ARHGAP15: variants seen among roughly 807,000 people sequenced by gnomAD.
ARHGAP15 encodes rho GTPase-activating protein 15.
Under a neutral mutation model 63.7 loss-of-function variants are expected in ARHGAP15, and 51 were observed. That is an observed-to-expected ratio of 0.80 (90% CI 0.64 to 1.01). The LOEUF (loss-of-function observed/expected upper bound fraction) is 1.01, where lower values mean the gene tolerates loss of function less well. Among genes scored for constraint, ARHGAP15 ranks in the 50% least tolerant of loss-of-function variants. The probability of loss-of-function intolerance (pLI) is 0.00; values close to 1 mark genes in which losing one functional copy is unlikely to be tolerated. For synonymous variants in ARHGAP15, 191 were observed against 193.8 expected, an observed-to-expected ratio of 0.99 and a Z score of 0.12; for missense variants, 560 against 564.6, an observed-to-expected ratio of 0.99 and a Z score of 0.08.
intron 13 of ARHGAP15, among the ~76,000 whole-genome samples, chr2:143,742,545 T>G (rs1166702694): frequency 6.6e-6 from 1 of 152,156 alleles, no homozygotes; most frequent in Non-Finnish European, 1.5e-5. Context: ...CAGAAGAAAT[T>G]TGGGCAGAAA....
rs1027869128 is a variant in ARHGAP15, at chr2:143,435,758, T to C, written c.573+59T>C. 23 of 1,514,674 alleles carry C rather than the reference T, an allele frequency of 1.5e-5. No homozygotes were observed. The African/African-American group carries it at 3.0e-4, about 20-fold the overall frequency. 93.8% of individuals were successfully genotyped at this position (1,514,674 alleles called of 1,614,324 possible). On this transcript the variant is annotated intron_variant, in intron 7 of 13. Transcript: ENST00000295095. ...TTAAAATGTAGTCATTTAAATCTTA[T>C]TGCTCAGGCATATAACACACACACT...
At chr2:143,270,756 T>C (rs1265199241) in intron 6 of ARHGAP15, among the ~76,000 whole-genome samples, 1 of 152,198 alleles carries the variant, frequency 6.6e-6, no homozygotes, top group African/African-American at 2.4e-5. Flanking sequence ...TTTCAAAATA[T>C]CTCAATATTG....
intron 3 of ARHGAP15, among the ~76,000 whole-genome samples, chr2:143,205,267 A>C (rs1246236764): frequency 6.6e-6 from 1 of 151,634 alleles, no homozygotes; most frequent in African/African-American, 2.4e-5. Flanking sequence ...AAAAAAAAAA[A>C]AAAAAGAAAC....
At chr2:143,271,447 G>A (rs1681275219) in intron 6 of ARHGAP15, among the ~76,000 whole-genome samples, 1 of 152,182 alleles carries the variant, frequency 6.6e-6, no homozygotes, top group Non-Finnish European at 1.5e-5. Flanking sequence ...CTAGGACCCA[G>A]GTTGATATAT....
chr2:143,588,058 T>C (rs143412788), intron 11 of ARHGAP15, among the ~76,000 whole-genome samples: 2,458 of 152,304 alleles, frequency 0.016, 40 homozygotes, highest in Non-Finnish European at 0.029. Context: ...CAAAGAAGGC[T>C]ATGTAATTGT....
intron 9 of ARHGAP15, among the ~76,000 whole-genome samples, chr2:143,500,225 A>G (rs942104720): frequency 1.1e-4 from 16 of 150,320 alleles, no homozygotes; most frequent in Non-Finnish European, 2.1e-4. Flanking sequence ...AAATATTTAT[A>G]CATTTTTTAT....
chr2:143,317,287 T>C (rs1434559754), intron 6 of ARHGAP15, among the ~76,000 whole-genome samples: 3 of 152,374 alleles, frequency 2.0e-5, no homozygotes, highest in African/African-American at 7.2e-5. Flanking sequence ...TGAGCTAGGA[T>C]ATTCAGTGCA....
intron 6 of ARHGAP15, among the ~76,000 whole-genome samples, chr2:143,308,227 A>G (rs1264834757): frequency 2.6e-5 from 4 of 152,078 alleles, no homozygotes; most frequent in Non-Finnish European, 5.9e-5. Flanking sequence ...GACTTAAATC[A>G]TATCTAAGTA....
At chr2:143,704,917 T>C (rs964549640) in intron 13 of ARHGAP15, among the ~76,000 whole-genome samples, 6 of 152,216 alleles carry the variant, frequency 3.9e-5, no homozygotes, top group African/African-American at 1.4e-4. Context: ...AACTGAAATC[T>C]GCCTACCACT....
chr2:143,235,929 G>C, intron 5 of ARHGAP15: 1 of 1,544,566 alleles, frequency 6.5e-7, no homozygotes. Flanking sequence ...AGTACCTGCT[G>C]TACTTTGTGA....
At chr2:143,138,839 G>A (rs988812859) in intron 1 of ARHGAP15, among the ~76,000 whole-genome samples, 1 of 151,996 alleles carries the variant, frequency 6.6e-6, no homozygotes, top group African/African-American at 2.4e-5. Flanking sequence ...TAATATTTTG[G>A]CATTTAATCA....
intron 13 of ARHGAP15, among the ~76,000 whole-genome samples, chr2:143,705,469 G>A (rs1455733309): frequency 6.6e-6 from 1 of 152,112 alleles, no homozygotes; most frequent in Non-Finnish European, 1.5e-5. Context: ...ATATCTTGTG[G>A]TTATGAGAAT....
chr2:143,312,428 A>G (rs1006530547), intron 6 of ARHGAP15, among the ~76,000 whole-genome samples: 1 of 152,118 alleles, frequency 6.6e-6, no homozygotes, highest in South Asian at 2.1e-4. Context: ...TTCTTTAGTT[A>G]ACTTTCTATA....
intron 5 of ARHGAP15, among the ~76,000 whole-genome samples, chr2:143,239,714 G>T (rs916218445): frequency 5.9e-5 from 9 of 152,018 alleles, no homozygotes; most frequent in East Asian, 1.9e-4. Context: ...AGATTAGTTG[G>T]GTGCAGTGGC....
chr2:143,439,779 A>G (rs1689796638), intron 8 of ARHGAP15, among the ~76,000 whole-genome samples: 1 of 152,174 alleles, frequency 6.6e-6, no homozygotes, highest in Non-Finnish European at 1.5e-5. Flanking sequence ...TCATTACATT[A>G]TAACAAAGTG....
chr2:143,180,269 G>A (rs775151663), intron 2 of ARHGAP15, among the ~76,000 whole-genome samples: 1 of 152,176 alleles, frequency 6.6e-6, no homozygotes, highest in Non-Finnish European at 1.5e-5. Flanking sequence ...TCGTTCCAGC[G>A]ACATTCACGG....
At chr2:143,318,580 A>T (rs1180433070) in intron 6 of ARHGAP15, among the ~76,000 whole-genome samples, 2 of 142,026 alleles carry the variant, frequency 1.4e-5, no homozygotes, top group Non-Finnish European at 3.1e-5. Context: ...TATATTCAAA[A>T]GCAACTTTCG....
chr2:143,592,971 A>G (rs1229567695), intron 11 of ARHGAP15, among the ~76,000 whole-genome samples: 1 of 152,190 alleles, frequency 6.6e-6, no homozygotes, highest in East Asian at 1.9e-4. Flanking sequence ...AGGTTCCATA[A>G]AGAGACACTT....
In ARHGAP15 at chr2:143,343,340, A is replaced by G. The variant is rs1685141962; in HGVS notation, c.475-92261A>G. The stretch of plus-strand genomic sequence containing the variant: ...GGCAGTCAGTTCTGGGATAGAGAAT[A>G]AAGGCAACAGGTGTCAAGGGAATTT... On this transcript the variant is annotated intron_variant, in intron 6 of 13. Coordinates refer to ENST00000295095, the MANE Select transcript of ARHGAP15 (RefSeq NM_018460.4). 1.3e-5 allele frequency among the ~76,000 whole-genome samples: 2 copies of G among 152,048 alleles called. 1 individual carries two copies. The highest frequency in any genetic ancestry group is 1.3e-4 in the Admixed American group (2 of 15,224).
Sources: allele counts gnomAD v4.1 joint callset (sites outside exome capture counted in the v4.1 genomes callset), GRCh38; gene constraint gnomAD v4.1.1; transcripts MANE v1.5; gene names NCBI Gene and HGNC (gene_info 2026-07-23, HGNC 2026-07-21).